ADARB2: variants seen among roughly 807,000 people sequenced by gnomAD.
The protein encoded by ADARB2 is inactive double-stranded RNA-specific editase B2.
A neutral mutation model predicts 62.2 loss-of-function variants in ADARB2; 25 were observed. That is an observed-to-expected ratio of 0.40 (90% confidence interval 0.29 to 0.56). The LOEUF is 0.56. Ranked by LOEUF, ADARB2 falls within the 20% of genes least tolerant of loss-of-function variation. ADARB2 has a pLI of 0.43. For synonymous variants in ADARB2, 572 were observed against 500.8 expected (o/e 1.14, Z -1.90); for missense variants, 1,071 against 1,077.4 (o/e 0.99, Z 0.08).
At chr10:1,629,413 C>T (rs529251163) in intron 1 of ADARB2, among the ~76,000 whole-genome samples, 5 of 152,198 alleles carry the variant, frequency 3.3e-5, no homozygotes, top group Non-Finnish European at 7.4e-5. Flanking sequence ...ATTCACTTCC[C>T]CCATTACCTC....
Position 1,363,790 on chromosome 10 carries a change from C to A in ADARB2, c.315G>T (p.Gly105=), listed in dbSNP as rs762117300. Reference sequence around the variant, plus strand: ...GCAGTTTGCACAAGTGGCCCCCATTCCCCTCCTCCAGCGGCCGCTTCCTCT... The same window carrying A: ...GCAGTTTGCACAAGTGGCCCCCATTACCCTCCTCCAGCGGCCGCTTCCTCT... ...GAKRKRPLEE[G]NGGHLCKLQL... Residue 105 remains glycine (G), a synonymous_variant, in exon 3 of 10, where the codon GGG becomes GGT. Coordinates refer to ENST00000381312, the MANE Select transcript of ADARB2 (RefSeq NM_018702.4). 7 of 1,599,316 alleles carry A rather than the reference C, an allele frequency of 4.4e-6. No homozygotes were observed. The highest frequency in any genetic ancestry group is 2.2e-5 in the South Asian group (2 of 90,884).
intron 1 of ADARB2, among the ~76,000 whole-genome samples, chr10:1,640,657 C>T (rs1833969599): frequency 6.6e-6 from 1 of 152,172 alleles, no homozygotes; most frequent in Non-Finnish European, 1.5e-5. Flanking sequence ...CACAAAAACA[C>T]ACACACAGAC....
chr10:1,475,630 C>A (rs1422675206), intron 1 of ADARB2, among the ~76,000 whole-genome samples: 8 of 152,200 alleles, frequency 5.3e-5, no homozygotes, highest in Admixed American at 1.3e-4. Context: ...TTTCACCTGG[C>A]ACATTCTGGC....
chr10:1,472,488 C>T (rs1229101640), intron 1 of ADARB2, among the ~76,000 whole-genome samples: 1 of 152,086 alleles, frequency 6.6e-6, no homozygotes, highest in East Asian at 1.9e-4. Flanking sequence ...TGGGGGTGTA[C>T]CCAAGTGGAC....
intron 1 of ADARB2, among the ~76,000 whole-genome samples, chr10:1,496,619 T>TTTC (rs891524303): frequency 2.6e-5 from 4 of 151,918 alleles, no homozygotes; most frequent in African/African-American, 9.7e-5. Context: ...ATTATCATCA[T>TTTC]TTCATCATCA....
chr10:1,610,689 A>T (rs993066139), intron 1 of ADARB2, among the ~76,000 whole-genome samples: 1 of 152,124 alleles, frequency 6.6e-6, no homozygotes, highest in African/African-American at 2.4e-5. Context: ...GGCATTTCAC[A>T]AGGTCATAAG....
intron 3 of ADARB2, among the ~76,000 whole-genome samples, chr10:1,311,672 C>T (rs1050430318): frequency 2.0e-5 from 3 of 152,212 alleles, no homozygotes; most frequent in African/African-American, 7.2e-5. Flanking sequence ...CCTCAACCCT[C>T]CCCTCAGCTC....
chr10:1,596,042 A>G (rs769229254), intron 1 of ADARB2, among the ~76,000 whole-genome samples: 3 of 152,134 alleles, frequency 2.0e-5, no homozygotes, highest in Non-Finnish European at 2.9e-5. Flanking sequence ...CCCCTTCATG[A>G]CTTGTTCACA....
At chr10:1,315,430 G>C (rs544419712) in intron 3 of ADARB2, among the ~76,000 whole-genome samples, 2 of 152,258 alleles carry the variant, frequency 1.3e-5, no homozygotes, top group Non-Finnish European at 2.9e-5. Flanking sequence ...AAGCCTCCCA[G>C]CAAGCCATAC....
At chr10:1,601,318 G>A (rs866552113) in intron 1 of ADARB2, among the ~76,000 whole-genome samples, 21 of 152,178 alleles carry the variant, frequency 1.4e-4, no homozygotes, top group African/African-American at 5.1e-4. Flanking sequence ...GGTGGCCATC[G>A]GACAGAATCC....
At chr10:1,718,018 A>G (rs1835043380) in intron 1 of ADARB2, among the ~76,000 whole-genome samples, 1 of 152,188 alleles carries the variant, frequency 6.6e-6, no homozygotes, top group African/African-American at 2.4e-5. Context: ...CATCAAACTC[A>G]CAAGCCTATG....
At chr10:1,191,171 C>T (rs1836839508) in intron 8 of ADARB2, among the ~76,000 whole-genome samples, 1 of 152,270 alleles carries the variant, frequency 6.6e-6, no homozygotes, top group African/African-American at 2.4e-5. Context: ...GGTGGCAGCT[C>T]ATGGGCTACT....
At chr10:1,586,890 A>G (rs1336869923) in intron 1 of ADARB2, among the ~76,000 whole-genome samples, 2 of 152,210 alleles carry the variant, frequency 1.3e-5, no homozygotes, top group Non-Finnish European at 2.9e-5. Context: ...AATAAACAGA[A>G]ATGAAATACA....
chr10:1,407,682 A>G (rs896613590), intron 1 of ADARB2, among the ~76,000 whole-genome samples: 1 of 152,168 alleles, frequency 6.6e-6, no homozygotes, highest in Non-Finnish European at 1.5e-5. Context: ...AGAATTCAAG[A>G]TCCTGGCATC....
chr10:1,232,946 T>C (rs1364661016), intron 6 of ADARB2, among the ~76,000 whole-genome samples: 2 of 151,998 alleles, frequency 1.3e-5, no homozygotes, highest in Non-Finnish European at 2.9e-5. Context: ...GTGTATGTGG[T>C]ATATACATAT....
chr10:1,286,715 C>T (rs1382488973), intron 3 of ADARB2, among the ~76,000 whole-genome samples: 1 of 152,154 alleles, frequency 6.6e-6, no homozygotes, highest in African/African-American at 2.4e-5. Context: ...CATAATCACT[C>T]CTCAAGGCCA....
At chr10:1,576,972 C>G (rs1038497957) in intron 1 of ADARB2, among the ~76,000 whole-genome samples, 1 of 152,140 alleles carries the variant, frequency 6.6e-6, no homozygotes, top group Non-Finnish European at 1.5e-5. Flanking sequence ...GCCTCAGGCT[C>G]TGGGTAGGTT....
chr10:1,458,667 C>T (rs560135601), intron 1 of ADARB2, among the ~76,000 whole-genome samples: 45 of 152,032 alleles, frequency 3.0e-4, no homozygotes, highest in Non-Finnish European at 6.2e-4. Context: ...TCTGCCTGCC[C>T]CTCACTCCAG....
chr10:1,452,649 TG>T (rs1831053696), intron 1 of ADARB2, among the ~76,000 whole-genome samples: 1 of 4,340 alleles, frequency 2.3e-4, no homozygotes, highest in Non-Finnish European at 4.5e-4. Context: ...TGGGGCCTGT[TG>T]GGGGGTTGGG....
Sources: allele counts gnomAD v4.1 joint callset (sites outside exome capture counted in the v4.1 genomes callset), GRCh38; gene constraint gnomAD v4.1.1; transcripts MANE v1.5; gene names NCBI Gene and HGNC (gene_info 2026-07-23, HGNC 2026-07-21).